TP63: variants seen among roughly 807,000 people sequenced by gnomAD.
TP63 encodes the protein tumor protein p63.
TP63 carries 17 observed loss-of-function variants against 82.8 expected under a neutral mutation model. The ratio of observed to expected loss-of-function variants is 0.21; its 90% CI spans 0.14 to 0.31. TP63 has a LOEUF of 0.31. TP63 is among the 10% of genes least tolerant of loss of function. The pLI is 1.00. For missense variants in TP63, 648 were observed against 895.3 expected (o/e 0.72, Z 3.52); for synonymous variants, 330 against 321.7 (o/e 1.03, Z -0.28).
intron 1 of TP63, among the ~76,000 whole-genome samples, chr3:189,651,481 G>A (rs1712882100): frequency 6.9e-6 from 1 of 145,410 alleles, no homozygotes; most frequent in South Asian, 2.3e-4. Context: ...AGGAGGCAGA[G>A]GTTGCAGTGA....
chr3:189,793,301 T>A (rs1456379200), intron 3 of TP63, among the ~76,000 whole-genome samples: 1 of 152,096 alleles, frequency 6.6e-6, no homozygotes, highest in African/African-American at 2.4e-5. Flanking sequence ...GGTTTGCTTT[T>A]TAGAAGAGCA....
At chr3:189,865,054 A>G (rs1429243765) in intron 5 of TP63, among the ~76,000 whole-genome samples, 1 of 152,108 alleles carries the variant, frequency 6.6e-6, no homozygotes, top group Non-Finnish European at 1.5e-5. Flanking sequence ...CCAGGAGACT[A>G]CATGGTAGCT....
intron 1 of TP63, among the ~76,000 whole-genome samples, chr3:189,694,936 G>A (rs933186006): frequency 1.3e-5 from 2 of 150,196 alleles, no homozygotes; most frequent in Non-Finnish European, 3.0e-5. Flanking sequence ...CTCCTGAGTA[G>A]CTGGGATTAC....
Position 189,880,172 on chromosome 3 carries a change from C to T in TP63, c.1350-6222C>T, listed in dbSNP as rs201416031. 183 of 1,612,356 alleles carry T rather than the reference C, an allele frequency of 1.1e-4. 1 individual carries two copies. The highest frequency in any genetic ancestry group is 1.4e-4 in the Non-Finnish European group (160 of 1,179,282). Reference sequence around the variant, plus strand: ...CCAAGCCCCCAAACCGATCAGTGTACCCATAGAGCCCTATCTCTATATTTT... The same window carrying T: ...CCAAGCCCCCAAACCGATCAGTGTATCCATAGAGCCCTATCTCTATATTTT... On this transcript the variant is annotated intron_variant, in intron 10 of 13. Coordinates refer to ENST00000264731, the MANE Select transcript of TP63 (RefSeq NM_003722.5).
chr3:189,755,632 T>C (rs1485934535), intron 3 of TP63, among the ~76,000 whole-genome samples: 1 of 152,212 alleles, frequency 6.6e-6, no homozygotes, highest in Non-Finnish European at 1.5e-5. Flanking sequence ...AATATTTTCT[T>C]GTGCTATATG....
chr3:189,773,402 A>T (rs1031569182), intron 3 of TP63, among the ~76,000 whole-genome samples: 1 of 152,222 alleles, frequency 6.6e-6, no homozygotes, highest in African/African-American at 2.4e-5. Flanking sequence ...ACCATTGTGA[A>T]GTAAAGTCGT....
intron 1 of TP63, among the ~76,000 whole-genome samples, chr3:189,719,420 A>C (rs1358514861): frequency 6.6e-6 from 1 of 152,034 alleles, no homozygotes; most frequent in African/African-American, 2.4e-5. Flanking sequence ...TTTGCATCCG[A>C]TGTATCAGAA....
At chr3:189,791,540 T>C (rs1644003240) in intron 3 of TP63, among the ~76,000 whole-genome samples, 1 of 152,092 alleles carries the variant, frequency 6.6e-6, no homozygotes, top group Non-Finnish European at 1.5e-5. Context: ...TAGGTAAATA[T>C]GTAATCAAGA....
At position 189,889,426 on chromosome 3, in the gene TP63, C is replaced by G. The variant is rs1720790717; in HGVS notation, c.1594C>G (p.Pro532Ala). 3 of 1,614,076 alleles carry G rather than the reference C, an allele frequency of 1.9e-6. No homozygotes were observed. The highest frequency in any genetic ancestry group is 2.5e-6 in the Non-Finnish European group (3 of 1,180,000). Residue 532 changes from proline (P) to alanine (A), a missense_variant, in exon 12 of 14, where the codon CCA becomes GCA. By Grantham distance (27) the Pro-to-Ala change is conservative (BLOSUM62 -1). Coordinates refer to ENST00000264731, the MANE Select transcript of TP63 (RefSeq NM_003722.5). ...GGCACTCCCTCCCCCACTCTCCATG[C>G]CATCCACCTCCCACTGCACACCCCC... ...TQALPPPLSM[P>A]STSHCTPPPP...
intron 3 of TP63, among the ~76,000 whole-genome samples, chr3:189,796,382 C>T (rs1725704719): frequency 6.6e-6 from 1 of 151,806 alleles, no homozygotes; most frequent in African/African-American, 2.4e-5. Context: ...CCAAGAAGAC[C>T]ACGTGGGCAA....
chr3:189,831,422 A>G (rs1021947954), intron 4 of TP63, among the ~76,000 whole-genome samples: 1 of 152,102 alleles, frequency 6.6e-6, no homozygotes, highest in African/African-American at 2.4e-5. Flanking sequence ...GATTTTATTT[A>G]TACATTTATA....
intron 6 of TP63, among the ~76,000 whole-genome samples, chr3:189,867,010 A>C (rs1460014358): frequency 6.6e-6 from 1 of 152,182 alleles, no homozygotes; most frequent in Non-Finnish European, 1.5e-5. Context: ...ACTTGGTAAC[A>C]TGGCTCTGTG....
intron 3 of TP63, among the ~76,000 whole-genome samples, chr3:189,805,207 T>A (rs747771509): frequency 6.6e-6 from 1 of 152,164 alleles, no homozygotes; most frequent in Non-Finnish European, 1.5e-5. Flanking sequence ...TTCCTTAATA[T>A]CCATAAAATC....
intron 1 of TP63, among the ~76,000 whole-genome samples, chr3:189,634,497 A>G (rs371993519): frequency 6.6e-6 from 1 of 152,078 alleles, no homozygotes; most frequent in Non-Finnish European, 1.5e-5. Flanking sequence ...CTTTCCACTT[A>G]AACATATTAC....
intron 3 of TP63, among the ~76,000 whole-genome samples, chr3:189,763,127 A>G (rs34703486): frequency 0.2 from 30,535 of 151,960 alleles, 3,262 homozygotes; most frequent in South Asian, 0.27. Flanking sequence ...TTTAAAAATT[A>G]TCTGGGCATG....
Position 189,785,347 on chromosome 3 carries a change from T to A in TP63, c.325-22925T>A, listed in dbSNP as rs115380950. ...AATTGAGCTGATACTCACCGAGCTT[T>A]TGGAGTACTAAATGTGACATGATGA... is the stretch of plus-strand genomic sequence containing the variant. On this transcript the variant is annotated intron_variant, in intron 3 of 13. Transcript: ENST00000264731. Among the ~76,000 whole-genome samples, 1,110 of 152,202 alleles carry A rather than the reference T, an allele frequency of 7.3e-3. 16 individuals carry two copies. The highest frequency in any genetic ancestry group is 0.026 in the African/African-American group (1,064 of 41,550).
the TP63 span, among the ~76,000 whole-genome samples, chr3:189,612,942 A>C: frequency 6.6e-6 from 1 of 152,242 alleles, no homozygotes; most frequent in Non-Finnish European, 1.5e-5. Flanking sequence ...GCAGCAAAGC[A>C]TTCAAGAGGT....
In TP63 at chr3:189,697,233, G is replaced by GAATTTT. The variant is rs1560117520; in HGVS notation, c.63-40507_63-40506insAATTTT. Among the ~76,000 whole-genome samples the GAATTTT allele has an allele frequency of 8.7e-3, 1,239 of 142,248 alleles. 24 individuals are homozygous for GAATTTT. The highest frequency in any genetic ancestry group is 0.031 in the African/African-American group (1,176 of 38,388). The allele number at this position is 142,248 out of a possible 152,430, so 93.3% of individuals were successfully genotyped here. Reference sequence around the variant, plus strand: ...GATGTAAGGTGTATGTCTAGGTTCAGTTTTTTTTTTTTTTTTGCATATGGA... The same window carrying GAATTTT: ...GATGTAAGGTGTATGTCTAGGTTCAGAATTTTTTTTTTTTTTTTTTTTGCATATGGA... On this transcript the variant is annotated intron_variant, in intron 1 of 13. Coordinates refer to ENST00000264731, the MANE Select transcript of TP63 (RefSeq NM_003722.5).
intron 1 of TP63, among the ~76,000 whole-genome samples, chr3:189,717,084 C>T (rs1719020945): frequency 6.6e-6 from 1 of 152,142 alleles, no homozygotes; most frequent in South Asian, 2.1e-4. Context: ...AGGAGTGAGT[C>T]ACTGCACCCA....
Sources: allele counts gnomAD v4.1 joint callset (sites outside exome capture counted in the v4.1 genomes callset), GRCh38; gene constraint gnomAD v4.1.1; transcripts MANE v1.5; gene names NCBI Gene and HGNC (gene_info 2026-07-23, HGNC 2026-07-21).